The following VRK1 variants were observed in gnomAD, a reference collection of about 807,000 sequenced individuals.
VRK1 encodes the protein serine/threonine-protein kinase VRK1.
Under a neutral mutation model 57.1 loss-of-function variants are expected in VRK1, and 33 were observed. The ratio of observed to expected loss-of-function variants is 0.58; its 90% CI spans 0.44 to 0.77. The LOEUF (loss-of-function observed/expected upper bound fraction) is 0.77. Among genes scored for constraint, VRK1 ranks in the 30% least tolerant of loss-of-function variants. The pLI is 0.00. For synonymous variants in VRK1, 137 were observed against 147.8 expected, an observed-to-expected ratio of 0.93 and a Z score of 0.53; for missense variants, 413 against 477.3, an observed-to-expected ratio of 0.87 and a Z score of 1.25.
chr14:96,875,021 G>A (rs770345510), intron 11 of VRK1, among the ~76,000 whole-genome samples: 16 of 152,132 alleles, frequency 1.1e-4, no homozygotes, highest in Non-Finnish European at 1.9e-4. Flanking sequence ...GGGGCATGTC[G>A]GATGGTTTTC....
chr14:96,825,648 A>G (rs1308852861), intron 1 of VRK1, among the ~76,000 whole-genome samples: 3 of 152,198 alleles, frequency 2.0e-5, no homozygotes, highest in Non-Finnish European at 4.4e-5. Context: ...GTCTTTAGGT[A>G]TGGGGAAAAT....
chr14:96,867,471 G>A (rs1184433587), intron 11 of VRK1, among the ~76,000 whole-genome samples: 3 of 148,678 alleles, frequency 2.0e-5, no homozygotes, highest in Non-Finnish European at 4.4e-5. Flanking sequence ...GTGTGTGTGT[G>A]TGTGTGTGTG....
At chr14:96,842,278 T>C (rs564436303) in intron 3 of VRK1, among the ~76,000 whole-genome samples, 7 of 152,340 alleles carry the variant, frequency 4.6e-5, no homozygotes, top group Non-Finnish European at 1.0e-4. Context: ...ATAATTTGCC[T>C]TCTTACAACT....
chr14:96,820,711 C>A (rs1437665751), intron 1 of VRK1, among the ~76,000 whole-genome samples: 1 of 152,068 alleles, frequency 6.6e-6, no homozygotes, highest in Non-Finnish European at 1.5e-5. Flanking sequence ...ATAACATAAC[C>A]ACATTTATTT....
chr14:96,822,892 T>C (rs146237616), intron 1 of VRK1, among the ~76,000 whole-genome samples: 1 of 152,342 alleles, frequency 6.6e-6, no homozygotes, highest in East Asian at 1.9e-4. Flanking sequence ...GATCTCCTGC[T>C]TCCCCCTTGC....
chr14:96,877,246 A>G (rs1407664942), intron 12 of VRK1: 1 of 239,420 alleles, frequency 4.2e-6, no homozygotes, highest in African/African-American at 2.3e-5. Context: ...TGGAAAGCAC[A>G]GTATTCAACT....
chr14:96,861,302 A>G (rs1888381303), intron 11 of VRK1, among the ~76,000 whole-genome samples: 1 of 152,182 alleles, frequency 6.6e-6, no homozygotes, highest in Admixed American at 6.5e-5. Flanking sequence ...ACAAGCATGT[A>G]AAGAACTTCT....
chr14:96,860,493 A>T lies in VRK1; in HGVS notation c.890-64A>T. 3.4e-6 allele frequency: 5 copies of T among 1,467,104 alleles called. No homozygotes were observed. The South Asian group carries it at 3.7e-5, about 11-fold the overall frequency. 90.9% of individuals were successfully genotyped at this position (1,467,104 alleles called of 1,614,324 possible). A position where few individuals can be genotyped will look rare whatever the true frequency, so the allele number is the denominator to read the frequency against. Reference sequence around the variant, plus strand: ...TCTAACTTTACTATAACCATGAATTATTTTTTTTAGAGGTTAGAGAGAAAT... The same window carrying T: ...TCTAACTTTACTATAACCATGAATTTTTTTTTTTAGAGGTTAGAGAGAAAT... On this transcript the variant is annotated intron_variant, in intron 10 of 12. Transcript: ENST00000216639.
intron 11 of VRK1, 101 bp from the exon 12 acceptor site, chr14:96,875,929 C>T: frequency 5.6e-6 from 7 of 1,252,902 alleles, no homozygotes; most frequent in Non-Finnish European, 8.0e-6. Flanking sequence ...CACACCCACA[C>T]CTATATACAT....
rs1029694881 is a variant in VRK1 at position 96,809,942 on chromosome 14, A to C, written c.-6+12495A>C. On this transcript the variant is annotated intron_variant, in intron 1 of 12. Coordinates refer to ENST00000216639, the MANE Select transcript of VRK1 (RefSeq NM_003384.3). Reference sequence around the variant, plus strand: ...TGTTGTACCTATTTATACTTTTACCAACATATGAAAGTTCCGGTTACTCTG... The same window carrying C: ...TGTTGTACCTATTTATACTTTTACCCACATATGAAAGTTCCGGTTACTCTG... Among the ~76,000 whole-genome samples the C allele has an allele frequency of 2.0e-5, 3 of 152,278 alleles. No homozygotes were observed. In the South Asian group the frequency reaches 6.2e-4, roughly 32 times the overall value.
intron 1 of VRK1, among the ~76,000 whole-genome samples, chr14:96,812,982 T>G (rs1314961114): frequency 1.3e-5 from 2 of 152,252 alleles, no homozygotes; most frequent in Admixed American, 1.3e-4. Context: ...GGTCTTGTCT[T>G]AAGTTCACAA....
chr14:96,803,274 C>A (rs749092162), intron 1 of VRK1, among the ~76,000 whole-genome samples: 16 of 151,162 alleles, frequency 1.1e-4, no homozygotes, highest in Non-Finnish European at 8.8e-5. Context: ...CAGGGTCAAG[C>A]GATTCTCTTG....
chr14:96,854,020 C>T lies in VRK1; in HGVS notation c.576+854C>T, dbSNP rs111626688. On this transcript the variant is annotated intron_variant, in intron 7 of 12. Transcript: ENST00000216639. ...CTTTGGCTCTCTTTTCTTTTTCTGTCGTCTCGTATTTGCTTCCCTTCCTCC... is the reference window on the plus strand; with the variant it reads ...CTTTGGCTCTCTTTTCTTTTTCTGTTGTCTCGTATTTGCTTCCCTTCCTCC... Among the ~76,000 whole-genome samples the T allele has an allele frequency of 2.6e-3, 396 of 151,944 alleles. 3 individuals are homozygous for T. Among genetic ancestry groups the T allele is most frequent in the African/African-American group, 8.5e-3 (353 of 41,476 alleles).
intron 11 of VRK1, among the ~76,000 whole-genome samples, chr14:96,872,050 C>G (rs1325389637): frequency 6.6e-6 from 1 of 152,176 alleles, no homozygotes; most frequent in Non-Finnish European, 1.5e-5. Flanking sequence ...AGTGATCCAC[C>G]CACCTAGGCC....
chr14:96,823,743 A>C (rs1187824073), intron 1 of VRK1, among the ~76,000 whole-genome samples: 1 of 152,104 alleles, frequency 6.6e-6, no homozygotes, highest in Non-Finnish European at 1.5e-5. Flanking sequence ...CAAATTCGAA[A>C]CTCTATATAC....
Position 96,856,589 on chromosome 14 carries a change from A to G in VRK1, c.889+3A>G. The G allele has an allele frequency of 6.2e-7, 1 of 1,612,740 alleles. No homozygotes were observed. The highest frequency in any genetic ancestry group is 8.5e-7 in the Non-Finnish European group (1 of 1,178,774). ...TTTTCCTGAGAAAAACAAACCAGGTAGGAAATGACTTCTTCAGTGTTAATA... is the reference window on the plus strand; with the variant it reads ...TTTTCCTGAGAAAAACAAACCAGGTGGGAAATGACTTCTTCAGTGTTAATA... On this transcript the variant is annotated splice_donor_region_variant and intron_variant, in intron 10 of 12. Transcript: ENST00000216639.
intron 11 of VRK1, among the ~76,000 whole-genome samples, chr14:96,875,824 G>A (rs2139845372): frequency 6.6e-6 from 1 of 152,298 alleles, no homozygotes; most frequent in South Asian, 2.1e-4. Flanking sequence ...CTGTCTAGTT[G>A]AAAGTTCTTG....
At position 96,864,255 on chromosome 14, in the gene VRK1, A is replaced by T. The variant is rs141877073; in HGVS notation, c.1068+3520A>T. On this transcript the variant is annotated intron_variant, in intron 11 of 12. Coordinates refer to ENST00000216639, the MANE Select transcript of VRK1 (RefSeq NM_003384.3). ...CCCTAATTAAGTGAAGTTGTTACGT[A>T]TGTATAGAAAAGTACATGAATAAGT... is the stretch of plus-strand genomic sequence containing the variant. Among the ~76,000 whole-genome samples, 546 of 151,180 alleles carry T rather than the reference A, an allele frequency of 3.6e-3. 2 individuals are homozygous for T. The highest frequency in any genetic ancestry group is 0.013 in the African/African-American group (536 of 41,132).
At chr14:96,852,106 T>C (rs887104023) in intron 5 of VRK1, among the ~76,000 whole-genome samples, 1 of 152,208 alleles carries the variant, frequency 6.6e-6, no homozygotes, top group Non-Finnish European at 1.5e-5. Flanking sequence ...TACTGAAATA[T>C]AACGTGATTA....
Sources: allele counts gnomAD v4.1 joint callset (sites outside exome capture counted in the v4.1 genomes callset), GRCh38; gene constraint gnomAD v4.1.1; transcripts MANE v1.5; gene names NCBI Gene and HGNC (gene_info 2026-07-23, HGNC 2026-07-21).